Variants in SNX27 observed in about 807,000 individuals in gnomAD.
SNX27 encodes the protein sorting nexin 27, also known as sorting nexin-27.
SNX27 carries 22 observed loss-of-function variants against 71.6 expected under a neutral mutation model. That is an observed-to-expected ratio of 0.31 (90% CI 0.22 to 0.44). SNX27 has a LOEUF of 0.44. SNX27 is among the 20% of genes least tolerant of loss of function. The pLI, the probability that SNX27 is intolerant of heterozygous loss-of-function variation, is 1.00. For synonymous variants in SNX27, 269 were observed against 277.2 expected (o/e 0.97, Z 0.29); for missense variants, 531 against 698.6 (o/e 0.76, Z 2.70).
chr1:151,691,952 C>A (rs904797477), intron 8 of SNX27, among the ~76,000 whole-genome samples: 1 of 152,110 alleles, frequency 6.6e-6, no homozygotes, highest in Admixed American at 6.6e-5. Context: ...GTAACCCTTG[C>A]ACTTTCGGTG....
At chr1:151,632,318 C>T (rs1205760031) in intron 1 of SNX27, among the ~76,000 whole-genome samples, 3 of 151,272 alleles carry the variant, frequency 2.0e-5, no homozygotes, top group Admixed American at 6.6e-5. Flanking sequence ...CCACCACGCC[C>T]GGCTAATTTT....
rs375174450 is a variant in SNX27, at chr1:151,693,691, T to G, written c.1578+208T>G. On this transcript the variant is annotated intron_variant, in intron 11 of 11. Transcript: ENST00000458013. ...AACGGGCTGTGCAAAAAAGCCCTGCTTCTTCCCTTGTCTAGAGGGTGGACA... is the reference window on the plus strand; with the variant it reads ...AACGGGCTGTGCAAAAAAGCCCTGCGTCTTCCCTTGTCTAGAGGGTGGACA... The G allele has an allele frequency of 4.4e-4, 703 of 1,611,858 alleles. 9 individuals are homozygous for G. In the South Asian group the frequency reaches 4.4e-3, roughly 10 times the overall value.
chr1:151,619,062 C>A (rs1384345130), intron 1 of SNX27, among the ~76,000 whole-genome samples: 1 of 151,860 alleles, frequency 6.6e-6, no homozygotes, highest in Non-Finnish European at 1.5e-5. Context: ...GTTTACTGGC[C>A]AGGCACAGTG....
At chr1:151,688,968 C>T (rs908279246) in intron 8 of SNX27, among the ~76,000 whole-genome samples, 3 of 152,140 alleles carry the variant, frequency 2.0e-5, no homozygotes, top group Non-Finnish European at 4.4e-5. Context: ...TTACCTTTAT[C>T]GGCTCACCAA....
At chr1:151,656,861 T>G (rs985493361) in intron 2 of SNX27, among the ~76,000 whole-genome samples, 3 of 152,104 alleles carry the variant, frequency 2.0e-5, no homozygotes, top group Non-Finnish European at 4.4e-5. Context: ...AAAAAGTAAG[T>G]CCTTTGAAGT....
chr1:151,646,578 T>G (rs1432080132), intron 2 of SNX27, among the ~76,000 whole-genome samples: 1 of 149,386 alleles, frequency 6.7e-6, no homozygotes, highest in East Asian at 1.9e-4. Context: ...ATTATATATT[T>G]GAATTTGTAG....
intron 7 of SNX27, among the ~76,000 whole-genome samples, chr1:151,675,698 T>C (rs1320396888): frequency 6.6e-6 from 1 of 151,748 alleles, no homozygotes; most frequent in African/African-American, 2.4e-5. Flanking sequence ...AGGTTGTTTT[T>C]TGAGTATGTG....
At chr1:151,656,664 A>G (rs1040651760) in intron 2 of SNX27, among the ~76,000 whole-genome samples, 2 of 152,222 alleles carry the variant, frequency 1.3e-5, no homozygotes, top group African/African-American at 4.8e-5. Context: ...CATTTATACA[A>G]ATGTCAATGG....
At position 151,662,287 on chromosome 1, in the gene SNX27, C is replaced by T. The variant is rs745967533; in HGVS notation, c.906+17C>T. On this transcript the variant is annotated intron_variant, in intron 5 of 11. Coordinates refer to ENST00000458013, the MANE Select transcript of SNX27 (RefSeq NM_001330723.2). ...GTATATCAGGTAAATTAAATGAACA[C>T]GTAGACTTGACATTGGATGGTGTGA... 41 of 1,511,576 alleles carry T rather than the reference C, an allele frequency of 2.7e-5. No individual in the cohort carries two copies. Among genetic ancestry groups the T allele is most frequent in the South Asian group, 2.4e-4 (21 of 88,466 alleles). 93.6% of individuals were successfully genotyped at this position (1,511,576 alleles called of 1,614,324 possible).
At chr1:151,617,263 TTTTA>T (rs71090200) in intron 1 of SNX27, among the ~76,000 whole-genome samples, 2,999 of 151,212 alleles carry the variant, frequency 0.02, 38 homozygotes, top group Middle Eastern at 0.034. Context: ...TAGTTTGTAG[TTTTA>T]TTTATTTATT....
chr1:151,668,049 A>G (rs999098668), intron 6 of SNX27, among the ~76,000 whole-genome samples: 5 of 152,178 alleles, frequency 3.3e-5, no homozygotes, highest in Non-Finnish European at 5.9e-5. Context: ...GCTGGTTTTC[A>G]GCTGATGTCT....
In SNX27 at chr1:151,640,809, T is replaced by C. The variant is rs557124652; in HGVS notation, c.543+1690T>C. ...ATAACCACCACCACCACCATGAAGA[T>C]TTAGAATATTTTCATACCCTCAAAA... On this transcript the variant is annotated intron_variant, in intron 2 of 11. Transcript: ENST00000458013. Among the ~76,000 whole-genome samples, 45 of 152,286 alleles carry C rather than the reference T, an allele frequency of 3.0e-4. 1 individual carries two copies. The highest frequency in any genetic ancestry group is 1.1e-3 in the African/African-American group (45 of 41,536).
intron 5 of SNX27, among the ~76,000 whole-genome samples, chr1:151,662,975 A>G (rs1052493211): frequency 5.9e-5 from 9 of 152,022 alleles, no homozygotes; most frequent in African/African-American, 2.2e-4. Flanking sequence ...TGTGTACTTC[A>G]GTATGCATCT....
intron 2 of SNX27, among the ~76,000 whole-genome samples, chr1:151,641,414 T>C (rs1668712672): frequency 6.6e-6 from 1 of 151,718 alleles, no homozygotes; most frequent in African/African-American, 2.4e-5. Flanking sequence ...CTTACTGTGG[T>C]TTTAATTTGC....
chr1:151,649,988 A>C (rs1185393937), intron 2 of SNX27, among the ~76,000 whole-genome samples: 1 of 152,060 alleles, frequency 6.6e-6, no homozygotes, highest in East Asian at 1.9e-4. Context: ...CCCAGGGTCA[A>C]GCAATTCTCC....
intron 8 of SNX27, among the ~76,000 whole-genome samples, chr1:151,690,666 C>CT (rs1402920124): frequency 6.6e-6 from 1 of 151,170 alleles, no homozygotes; most frequent in East Asian, 1.9e-4. Flanking sequence ...AGGCTGGTCT[C>CT]TAACTCCTGG....
At chr1:151,632,207 G>GA (rs1365567852) in intron 1 of SNX27, among the ~76,000 whole-genome samples, 1 of 151,864 alleles carries the variant, frequency 6.6e-6, no homozygotes, top group African/African-American at 2.4e-5. Flanking sequence ...GCCCAGGCTG[G>GA]AGTGCAGTGG....
In SNX27 at chr1:151,697,689, C is replaced by T. The variant is rs1671835538; in HGVS notation, c.*3272C>T. On this transcript the variant is annotated 3_prime_UTR_variant, in exon 12 of 12. Coordinates refer to ENST00000458013, the MANE Select transcript of SNX27 (RefSeq NM_001330723.2). ...CATGAAGCAGTGTTGTGACTCTTCT[C>T]TCTCCCCTTCCTCTGCACTTCCTTT... The T allele has an allele frequency of 6.5e-6, 1 of 152,844 alleles. No individual in the cohort carries two copies. Among genetic ancestry groups the T allele is most frequent in the Admixed American group, 6.5e-5 (1 of 15,272 alleles). 9.5% of individuals were successfully genotyped at this position (152,844 alleles called of 1,614,324 possible). A position where few individuals can be genotyped will look rare whatever the true frequency, so the allele number is the denominator to read the frequency against.
intron 2 of SNX27, among the ~76,000 whole-genome samples, chr1:151,639,678 G>A (rs1448294354): frequency 6.6e-6 from 1 of 152,154 alleles, no homozygotes; most frequent in Non-Finnish European, 1.5e-5. Context: ...ATTCCCATGA[G>A]CTGTTTCACA....
Sources: gnomAD v4.1 joint callset for allele counts (sites outside exome capture counted in the v4.1 genomes callset) on GRCh38, gnomAD v4.1.1 for gene constraint, MANE v1.5 for transcripts, NCBI Gene and HGNC (gene_info 2026-07-23, HGNC 2026-07-21) for gene names.